The following FAM227A variants were observed in gnomAD, a reference collection of about 807,000 sequenced individuals.
The protein encoded by FAM227A is protein FAM227A.
In FAM227A, 80 loss-of-function variants were observed where a neutral mutation model predicts 74.7. That is an observed-to-expected ratio of 1.07 (90% confidence interval 0.89 to 1.29). FAM227A has a LOEUF of 1.29. FAM227A is among the 50% of genes most tolerant of loss of function. The pLI, the probability that FAM227A is intolerant of heterozygous loss-of-function variation, is 0.00. For missense variants in FAM227A, 654 were observed against 683.4 expected (o/e 0.96, Z 0.48); for synonymous variants, 237 against 241.8 (o/e 0.98, Z 0.19).
chr22:38,612,074 C>A (rs536430553), intron 11 of FAM227A, among the ~76,000 whole-genome samples: 3 of 152,260 alleles, frequency 2.0e-5, no homozygotes, highest in African/African-American at 7.2e-5. Context: ...TCTCCCAATG[C>A]GTCAGGTCTG....
chr22:38,607,294 C>A, intron 12 of FAM227A, 95 bp downstream of exon 12: 1 of 850,028 alleles, frequency 1.2e-6, no homozygotes, highest in Non-Finnish European at 1.9e-6. Flanking sequence ...TAAAGTAGGT[C>A]AGCAAATTCT....
chr22:38,627,963 AT>A (rs368977408), intron 8 of FAM227A, among the ~76,000 whole-genome samples: 1,660 of 151,194 alleles, frequency 0.011, 11 homozygotes, highest in Middle Eastern at 0.017. Flanking sequence ...TTTGGTAAAT[AT>A]TTTTCCAGGT....
At chr22:38,630,248 C>A (rs2091891351) in intron 6 of FAM227A, among the ~76,000 whole-genome samples, 1 of 152,244 alleles carries the variant, frequency 6.6e-6, no homozygotes, top group African/African-American at 2.4e-5. Context: ...CCTGCAGCCT[C>A]CGCACAGGTA....
Position 38,656,259 on chromosome 22 carries a change from G to C in FAM227A, c.-234C>G, listed in dbSNP as rs535688142. On this transcript the variant is annotated 5_prime_UTR_variant, in exon 1 of 17. Transcript: ENST00000535113. Reference sequence around the variant, plus strand: ...CAAGGGGTGCCCTTTGCCTTGTGCTGGGGGATGAGGAGGGGAGTTGGGGAG... The same window carrying C: ...CAAGGGGTGCCCTTTGCCTTGTGCTCGGGGATGAGGAGGGGAGTTGGGGAG... 6.6e-6 allele frequency: 1 copy of C among 152,402 alleles called. No individual in the cohort carries two copies. The highest frequency in any genetic ancestry group is 1.5e-5 in the Non-Finnish European group (1 of 68,186). 9.4% of individuals were successfully genotyped at this position (152,402 alleles called of 1,614,324 possible).
At chr22:38,654,949 AAAATAAAT>A (rs530190566) in intron 1 of FAM227A, among the ~76,000 whole-genome samples, 22 of 147,890 alleles carry the variant, frequency 1.5e-4, no homozygotes, top group South Asian at 4.3e-4. Flanking sequence ...GACTCCATCT[AAAATAAAT>A]AAATAAATAA....
At chr22:38,626,123 C>T in intron 9 of FAM227A, 57 bp downstream of exon 9, 1 of 1,536,300 alleles carries the variant, frequency 6.5e-7, no homozygotes, top group Non-Finnish European at 8.8e-7. Context: ...ACCTAGGTGC[C>T]AGCGGAAAAC....
In FAM227A at chr22:38,623,244, C is replaced by T; in HGVS notation, c.886G>A (p.Asp296Asn). 1 of 1,551,588 alleles carries T rather than the reference C, an allele frequency of 6.4e-7. No individual in the cohort carries two copies. The highest frequency in any genetic ancestry group is 8.7e-7 in the Non-Finnish European group (1 of 1,146,906). ...CGCTCTGGGTCTAGTTCCGAGTAGT[C>T]CCAGCTGTCATAGCTCTGTGGGCTA... is the stretch of plus-strand genomic sequence containing the variant. ...YPSPQSYDSW[D>N]YSELDPERFR... Residue 296 changes from aspartate (D) to asparagine (N), a missense_variant, in exon 10 of 17, where the codon GAC (aspartate) becomes AAC (asparagine). Physicochemically the swap from Asp to Asn is conservative, Grantham distance 23 (BLOSUM62 1). Coordinates refer to ENST00000535113, the MANE Select transcript of FAM227A (RefSeq NM_001013647.2).
intron 11 of FAM227A, among the ~76,000 whole-genome samples, chr22:38,613,385 T>TAATATATATTTATAATATATATGATA (rs1340373653): frequency 1.3e-4 from 6 of 44,762 alleles, no homozygotes; most frequent in Admixed American, 1.1e-3. Context: ...ATAACATATA[T>TAATATATATTTATAATATATATGATA]TATATAATAT....
At position 38,597,376 on chromosome 22, in the gene FAM227A, A is replaced by T; in HGVS notation, c.1380-20T>A. ...CAGTCAGTGGCTTCCGCTGTCAAGGAAATCCCCGTACTGTGGAACTGTGTT... is the reference window on the plus strand; with the variant it reads ...CAGTCAGTGGCTTCCGCTGTCAAGGTAATCCCCGTACTGTGGAACTGTGTT... On this transcript the variant is annotated intron_variant, in intron 14 of 16. Transcript: ENST00000535113. 1 of 1,551,300 alleles carries T rather than the reference A, an allele frequency of 6.4e-7. No homozygotes were observed. The highest frequency in any genetic ancestry group is 8.7e-7 in the Non-Finnish European group (1 of 1,146,630).
intron 11 of FAM227A, among the ~76,000 whole-genome samples, chr22:38,612,497 C>T (rs542435742): frequency 1.2e-4 from 19 of 152,240 alleles, no homozygotes; most frequent in African/African-American, 4.3e-4. Flanking sequence ...TCTCTTGGTT[C>T]TCAGCTCAAA....
rs186296287 is a variant in FAM227A at position 38,603,198 on chromosome 22, T to C, written c.1221+2056A>G. ...CAACTAATATTAATTTTAAAATTAT[T>C]TGCATTACTGTGGGCTGGGAGCAGT... On this transcript the variant is annotated intron_variant, in intron 13 of 16. Coordinates refer to ENST00000535113, the MANE Select transcript of FAM227A (RefSeq NM_001013647.2). Among the ~76,000 whole-genome samples the C allele has an allele frequency of 1.2e-4, 18 of 152,302 alleles. No homozygotes were observed. In the East Asian group the frequency reaches 2.7e-3, roughly 23 times the overall value.
intron 2 of FAM227A, among the ~76,000 whole-genome samples, chr22:38,648,321 AAAAG>A (rs976829982): frequency 6.6e-6 from 1 of 151,930 alleles, no homozygotes; most frequent in Non-Finnish European, 1.5e-5. Flanking sequence ...AAAAAAAAAA[AAAAG>A]GCTGGGTGCA....
chr22:38,653,379 T>A (rs1484035015), intron 1 of FAM227A, among the ~76,000 whole-genome samples: 1 of 146,768 alleles, frequency 6.8e-6, no homozygotes, highest in East Asian at 2.0e-4. Flanking sequence ...ATGTAATGCT[T>A]TTTTTTTTTT....
chr22:38,654,812 G>A lies in FAM227A; in HGVS notation c.-95+1308C>T, dbSNP rs1569249123. On this transcript the variant is annotated intron_variant, in intron 1 of 16. Coordinates refer to ENST00000535113, the MANE Select transcript of FAM227A (RefSeq NM_001013647.2). ...AAAAAAAAAAAATTAGCTGGGCTTG[G>A]TGGCGGGCGCCTGTAATCCCAGCTA... Among the ~76,000 whole-genome samples the A allele has an allele frequency of 9.9e-5, 15 of 150,926 alleles. No individual in the cohort carries two copies. The South Asian group carries it at 3.1e-3, about 32-fold the overall frequency.
At chr22:38,645,167 A>C (rs1294612234) in intron 3 of FAM227A, among the ~76,000 whole-genome samples, 1 of 152,106 alleles carries the variant, frequency 6.6e-6, no homozygotes, top group Non-Finnish European at 1.5e-5. Context: ...CAAGGCGGGC[A>C]GATCACGAAG....
intron 6 of FAM227A, among the ~76,000 whole-genome samples, chr22:38,631,548 G>A (rs1362603414): frequency 1.3e-5 from 2 of 152,138 alleles, no homozygotes; most frequent in African/African-American, 4.8e-5. Flanking sequence ...AAAATATGAT[G>A]TAAGAAAATA....
At chr22:38,620,105 TAC>T in intron 11 of FAM227A, 105 bp downstream of exon 11, 1 of 761,534 alleles carries the variant, frequency 1.3e-6, no homozygotes, top group Middle Eastern at 3.8e-4. Flanking sequence ...GGGCAAGGGG[TAC>T]AGAGATGTGC....
In FAM227A at chr22:38,580,601, C is replaced by T. The variant is rs2090698557; in HGVS notation, c.*5524G>A. ...CAAAATGGTGATATTTTAAGTCTATCATTATTTCTGAATTTATTAGGTGGA... is the reference window on the plus strand; with the variant it reads ...CAAAATGGTGATATTTTAAGTCTATTATTATTTCTGAATTTATTAGGTGGA... On this transcript the variant is annotated 3_prime_UTR_variant, in exon 17 of 17. Transcript: ENST00000535113. 6.6e-6 allele frequency: 1 copy of T among 152,164 alleles called. No homozygotes were observed. Among genetic ancestry groups the T allele is most frequent in the Non-Finnish European group, 1.5e-5 (1 of 68,030 alleles). 9.4% of individuals were successfully genotyped at this position (152,164 alleles called of 1,614,324 possible).
In FAM227A at chr22:38,583,171, C is replaced by CT. The variant is rs34386912; in HGVS notation, c.*2953dup. On this transcript the variant is annotated 3_prime_UTR_variant, in exon 17 of 17. Coordinates refer to ENST00000535113, the MANE Select transcript of FAM227A (RefSeq NM_001013647.2). ...CACGTTCTGGTTTCAGAAGACTATA[C>CT]TTTTTTTTTTTTTTTTTTGAGATGG... is the stretch of plus-strand genomic sequence containing the variant. The CT allele has an allele frequency of 0.3, 72,706 of 244,056 alleles. 9,557 individuals carry two copies. Among genetic ancestry groups the CT allele is most frequent in the African/African-American group, 0.58 (20,184 of 34,622 alleles). 15.1% of individuals were successfully genotyped at this position (244,056 alleles called of 1,614,324 possible).
Sources: gnomAD v4.1 joint callset for allele counts (sites outside exome capture counted in the v4.1 genomes callset) on GRCh38, gnomAD v4.1.1 for gene constraint, MANE v1.5 for transcripts, NCBI Gene and HGNC (gene_info 2026-07-23, HGNC 2026-07-21) for gene names.